The following AGBL1 variants were observed in gnomAD, a reference collection of about 807,000 sequenced individuals.
The protein encoded by AGBL1 is AGBL carboxypeptidase 1.
AGBL1 carries 130 observed loss-of-function variants against 118.9 expected under a neutral mutation model. The ratio of observed to expected loss-of-function variants is 1.09; its 90% CI spans 0.95 to 1.26. The LOEUF is 1.26. Ranked by LOEUF, AGBL1 falls within the 50% of genes most tolerant of loss-of-function variation. AGBL1 has a pLI of 0.00. For synonymous variants in AGBL1, 555 were observed against 478.9 expected (o/e 1.16, Z -2.08); for missense variants, 1,584 against 1,298.1 (o/e 1.22, Z -3.38).
At chr15:86,211,011 T>C (rs566973318) in intron 5 of AGBL1, among the ~76,000 whole-genome samples, 4 of 152,348 alleles carry the variant, frequency 2.6e-5, no homozygotes, top group African/African-American at 7.2e-5. Flanking sequence ...GGTGTGGATG[T>C]CCTTTTGTTG....
At chr15:86,365,756 C>G (rs928078192) in intron 17 of AGBL1, among the ~76,000 whole-genome samples, 1 of 152,014 alleles carries the variant, frequency 6.6e-6, no homozygotes, top group Non-Finnish European at 1.5e-5. Context: ...GTGATGAATA[C>G]ATTTTTTAAA....
intron 23 of AGBL1, among the ~76,000 whole-genome samples, chr15:86,921,737 C>A (rs768834484): frequency 6.6e-6 from 1 of 152,136 alleles, no homozygotes; most frequent in Non-Finnish European, 1.5e-5. Context: ...CTGTCTGTGG[C>A]CAAGGCTGTA....
chr15:86,408,441 A>C (rs1297877717), intron 18 of AGBL1, among the ~76,000 whole-genome samples: 2 of 152,230 alleles, frequency 1.3e-5, no homozygotes, highest in African/African-American at 2.4e-5. Flanking sequence ...GTTAAAGCTT[A>C]ACCTCTACCA....
chr15:86,446,122 A>G (rs1177724117), intron 18 of AGBL1, among the ~76,000 whole-genome samples: 1 of 152,162 alleles, frequency 6.6e-6, no homozygotes, highest in Non-Finnish European at 1.5e-5. Context: ...TGCTCACCAT[A>G]AGAGAGCCGA....
At chr15:86,684,763 T>C (rs958978445) in intron 22 of AGBL1, among the ~76,000 whole-genome samples, 1 of 152,128 alleles carries the variant, frequency 6.6e-6, no homozygotes, top group Non-Finnish European at 1.5e-5. Context: ...GCTTTAACAT[T>C]AGGGAATCTC....
Position 86,415,941 on chromosome 15 carries a change from C to A in AGBL1, c.2555+18395C>A, listed in dbSNP as rs571210751. On this transcript the variant is annotated intron_variant, in intron 18 of 22. Coordinates refer to ENST00000614907, the MANE Select transcript of AGBL1 (RefSeq NM_001386094.1). ...TCCTTCATTCCTAGTGTATTAAAAA[C>A]AAGTGCCTATATGTCATAGTATTTT... Among the ~76,000 whole-genome samples the A allele has an allele frequency of 1.8e-3, 273 of 152,264 alleles. 1 individual carries two copies. Among genetic ancestry groups the A allele is most frequent in the Non-Finnish European group, 3.0e-3 (202 of 68,010 alleles).
intron 1 of AGBL1, among the ~76,000 whole-genome samples, chr15:86,141,070 G>C (rs987836485): frequency 1.3e-5 from 2 of 152,194 alleles, no homozygotes; most frequent in Non-Finnish European, 2.9e-5. Flanking sequence ...ACAGTGCAAA[G>C]AGCGCTGGCC....
At chr15:86,945,855 T>G (rs1209771791) in intron 23 of AGBL1, among the ~76,000 whole-genome samples, 2 of 152,150 alleles carry the variant, frequency 1.3e-5, no homozygotes, top group African/African-American at 2.4e-5. Context: ...TCACCAAAGT[T>G]TTTACAAGTA....
chr15:86,087,810 C>G (rs2141453429), intron 1 of AGBL1, among the ~76,000 whole-genome samples: 1 of 152,338 alleles, frequency 6.6e-6, no homozygotes, highest in South Asian at 2.1e-4. Flanking sequence ...GGTGCATTAA[C>G]TCTCTAAGGA....
chr15:86,612,945 G>T (rs928810373), intron 21 of AGBL1, among the ~76,000 whole-genome samples: 1 of 152,170 alleles, frequency 6.6e-6, no homozygotes, highest in Non-Finnish European at 1.5e-5. Context: ...CTCCACCTAT[G>T]ATCTGGAAGC....
intron 16 of AGBL1, among the ~76,000 whole-genome samples, chr15:86,283,148 G>A (rs964274258): frequency 1.3e-5 from 2 of 152,150 alleles, no homozygotes; most frequent in Admixed American, 1.3e-4. Flanking sequence ...GCCGTATCAA[G>A]TTATCAGTAA....
rs34873609 is a variant in AGBL1, at chr15:86,680,565, C to CTTTTTTT, written c.3158+6143_3158+6149dup. Among the ~76,000 whole-genome samples the CTTTTTTT allele has an allele frequency of 5.7e-3, 543 of 94,658 alleles. 2 individuals carry two copies. The highest frequency in any genetic ancestry group is 7.1e-3 in the Non-Finnish European group (355 of 50,082). The allele number at this position is 94,658 out of a possible 152,430, so 62.1% of individuals were successfully genotyped here. On this transcript the variant is annotated intron_variant, in intron 22 of 22. Coordinates refer to ENST00000614907, the MANE Select transcript of AGBL1 (RefSeq NM_001386094.1). ...TCTTTTTTCTTTCTTTCTTTCTTTT[C>CTTTTTTT]TTTTTTTTTTTTTTTTTTTTGAGAT...
At chr15:86,707,160 G>A (rs191358296) in intron 22 of AGBL1, among the ~76,000 whole-genome samples, 1 of 152,056 alleles carries the variant, frequency 6.6e-6, no homozygotes, top group African/African-American at 2.4e-5. Context: ...CTGACATACA[G>A]GGATTCCTTT....
At chr15:86,781,249 C>A (rs1010830241) in intron 22 of AGBL1, among the ~76,000 whole-genome samples, 1 of 151,966 alleles carries the variant, frequency 6.6e-6, no homozygotes, top group Non-Finnish European at 1.5e-5. Context: ...TATGAATTTT[C>A]TACTTACTAT....
intron 21 of AGBL1, among the ~76,000 whole-genome samples, chr15:86,653,973 G>T (rs1039845321): frequency 6.6e-6 from 1 of 152,156 alleles, no homozygotes; most frequent in African/African-American, 2.4e-5. Context: ...AGAAGAATGT[G>T]AGTAGTTTGA....
chr15:86,836,078 C>G (rs1321050143), intron 22 of AGBL1, among the ~76,000 whole-genome samples: 1 of 152,190 alleles, frequency 6.6e-6, no homozygotes, highest in Non-Finnish European at 1.5e-5. Flanking sequence ...GAAAACCTCT[C>G]CTACCCTTGC....
intron 18 of AGBL1, among the ~76,000 whole-genome samples, chr15:86,503,551 A>G (rs564371097): frequency 6.6e-6 from 1 of 151,186 alleles, no homozygotes; most frequent in Admixed American, 6.6e-5. Flanking sequence ...TTTTAAAATA[A>G]TCTCTTTTAA....
chr15:86,731,038 C>A (rs1211391339), intron 22 of AGBL1, among the ~76,000 whole-genome samples: 1 of 152,000 alleles, frequency 6.6e-6, no homozygotes, highest in Non-Finnish European at 1.5e-5. Context: ...ACTGTGTTGG[C>A]CAGGCTGGTC....
At chr15:86,417,813 G>A (rs1031662889) in intron 18 of AGBL1, among the ~76,000 whole-genome samples, 10 of 152,138 alleles carry the variant, frequency 6.6e-5, no homozygotes, top group Non-Finnish European at 1.2e-4. Flanking sequence ...TGGAATTCCC[G>A]GATGACCACC....
Sources: gnomAD v4.1 joint callset for allele counts (sites outside exome capture counted in the v4.1 genomes callset) on GRCh38, gnomAD v4.1.1 for gene constraint, MANE v1.5 for transcripts, NCBI Gene and HGNC (gene_info 2026-07-23, HGNC 2026-07-21) for gene names.